PNPLA8: variants seen among roughly 807,000 people sequenced by gnomAD.
The protein encoded by PNPLA8 is patatin like domain 8, phospholipase A2.
Under a neutral mutation model 76.9 loss-of-function variants are expected in PNPLA8, and 39 were observed. The observed-to-expected ratio is 0.51, with a 90% CI of 0.39 to 0.66. PNPLA8 has a LOEUF of 0.66. PNPLA8 is among the 30% of genes least tolerant of loss of function. The pLI is 0.00. For missense variants in PNPLA8, 887 were observed against 918.0 expected, an observed-to-expected ratio of 0.97 and a Z score of 0.44; for synonymous variants, 301 against 307.9, an observed-to-expected ratio of 0.98 and a Z score of 0.24.
chr7:108,486,004 A>G (rs1024432749), intron 9 of PNPLA8, among the ~76,000 whole-genome samples: 1 of 152,102 alleles, frequency 6.6e-6, no homozygotes, highest in Admixed American at 6.5e-5. Flanking sequence ...GCTCAAAATA[A>G]GTTAAAGGAT....
chr7:108,504,031 G>A (rs1862151903), intron 4 of PNPLA8, among the ~76,000 whole-genome samples: 1 of 152,150 alleles, frequency 6.6e-6, no homozygotes, highest in East Asian at 1.9e-4. Context: ...CAATGAGATG[G>A]TGGTTAAGTG....
At chr7:108,526,207 G>T, upstream of PNPLA8, 2 of 554,960 alleles carry the variant, frequency 3.6e-6, no homozygotes, top group Non-Finnish European at 4.6e-6. Flanking sequence ...CGCGCTAGAA[G>T]TTTGGGTCTA....
chr7:108,522,436 G>A (rs967561389), intron 1 of PNPLA8, among the ~76,000 whole-genome samples: 1 of 151,970 alleles, frequency 6.6e-6, no homozygotes, highest in Non-Finnish European at 1.5e-5. Context: ...TCTACTGATA[G>A]TAACTCTTTC....
chr7:108,496,497 ATAATT>A (rs1598908928), intron 7 of PNPLA8, 82 bp downstream of exon 7: 11 of 750,542 alleles, frequency 1.5e-5, no homozygotes, highest in East Asian at 6.4e-5. Flanking sequence ...ATGCAAGAAT[ATAATT>A]TAATATTGAC....
At chr7:108,492,506 T>C (rs1563949698) in intron 7 of PNPLA8, among the ~76,000 whole-genome samples, 1 of 152,172 alleles carries the variant, frequency 6.6e-6, no homozygotes, top group Non-Finnish European at 1.5e-5. Flanking sequence ...TTTATATTTG[T>C]TTAAATCTTG....
Position 108,514,489 on chromosome 7 carries a change from T to C in PNPLA8, c.1003A>G (p.Ser335Gly). The C allele has an allele frequency of 6.2e-7, 1 of 1,613,762 alleles. No individual in the cohort carries two copies. Among genetic ancestry groups the C allele is most frequent in the Non-Finnish European group, 8.5e-7 (1 of 1,179,748 alleles). The change falls in exon 3 of 11, where the codon AGC becomes GGC. Residue 335 changes from serine (S) to glycine (G), a missense_variant. By Grantham distance (56) the Ser-to-Gly change is moderately conservative. Transcript: ENST00000257694. The part of the protein sequence containing the change: ...EEPAKTDQAV[S>G]KDRNAEEKKR... ...TTCTCCTCTGCATTTCTGTCTTTGC[T>C]GACAGCCTGATCAGTTTTAGCAGGC...
At chr7:108,513,923 T>C (rs961012184) in intron 4 of PNPLA8, among the ~76,000 whole-genome samples, 8 of 152,338 alleles carry the variant, frequency 5.3e-5, no homozygotes, top group African/African-American at 1.9e-4. Flanking sequence ...TTATAAATGT[T>C]TAATTTCAAA....
chr7:108,474,879 T>C (rs1330658656), intron 10 of PNPLA8, among the ~76,000 whole-genome samples: 2 of 152,260 alleles, frequency 1.3e-5, no homozygotes, highest in African/African-American at 4.8e-5. Flanking sequence ...AACTTTTTTT[T>C]CTTTTTCAAA....
At chr7:108,510,178 A>T (rs35880371) in intron 4 of PNPLA8, 154,934 of 416,198 alleles carry the variant, frequency 0.37, 7,799 homozygotes, top group Non-Finnish European at 0.41. Context: ...AAAGTATAAT[A>T]AAAAAAAAAA....
At chr7:108,528,175 A>C (rs1322679414), upstream of PNPLA8, 4 of 152,148 alleles carry the variant, frequency 2.6e-5, no homozygotes, top group African/African-American at 9.7e-5. Context: ...CTTCAGTTTC[A>C]TCTAAACTGG....
intron 4 of PNPLA8, among the ~76,000 whole-genome samples, chr7:108,507,438 G>C (rs1165296796): frequency 2.7e-5 from 4 of 149,900 alleles, no homozygotes; most frequent in African/African-American, 9.8e-5. Flanking sequence ...CAGATTGCTT[G>C]AGCCCAAGAA....
intron 4 of PNPLA8, chr7:108,510,214 T>C: frequency 3.6e-6 from 4 of 1,097,244 alleles, no homozygotes; most frequent in Non-Finnish European, 5.2e-6. Flanking sequence ...GGTAACTAGC[T>C]CTTTTTCCGG....
At chr7:108,505,177 A>G (rs1862251954) in intron 4 of PNPLA8, among the ~76,000 whole-genome samples, 1 of 150,112 alleles carries the variant, frequency 6.7e-6, no homozygotes, top group Non-Finnish European at 1.5e-5. Context: ...AGTCAACTGG[A>G]TAAGTGTATT....
intron 2 of PNPLA8, among the ~76,000 whole-genome samples, chr7:108,518,589 G>A (rs568550747): frequency 6.6e-6 from 1 of 151,874 alleles, no homozygotes; most frequent in African/African-American, 2.4e-5. Flanking sequence ...GTGGCTATGC[G>A]TGTGTCAGGG....
Position 108,514,189 on chromosome 7 carries a change from AG to A in PNPLA8, c.1160del (p.Thr387IlefsTer5). ...CTTCAGGAAATTCTAGAAGATGAAA[AG>A]TCAGTTCTTCAACCCTAGTAATGCA... ...KLCITRVEEL[T>X]FHLLEFPEGK... On this transcript the variant is annotated frameshift_variant, in exon 4 of 11. Transcript: ENST00000257694. LOFTEE classifies it high-confidence loss of function. The A allele has an allele frequency of 6.2e-7, 1 of 1,609,032 alleles. No homozygotes were observed. Among genetic ancestry groups the A allele is most frequent in the Non-Finnish European group, 8.5e-7 (1 of 1,176,126 alleles).
At chr7:108,525,979 G>T in intron 1 of PNPLA8, 50 bp downstream of exon 1, 1 of 859,528 alleles carries the variant, frequency 1.2e-6, no homozygotes, top group Non-Finnish European at 1.4e-6. Context: ...GGTCCAGAAC[G>T]ATCAACCAGC....
intron 8 of PNPLA8, among the ~76,000 whole-genome samples, chr7:108,490,054 G>A (rs1563946003): frequency 6.6e-6 from 1 of 152,120 alleles, no homozygotes; most frequent in African/African-American, 2.4e-5. Flanking sequence ...CTATAAACGG[G>A]CTTCTATGCT....
intron 2 of PNPLA8, 58 bp from the exon 3 acceptor site, chr7:108,515,632 A>G: frequency 1.0e-6 from 1 of 988,268 alleles, no homozygotes; most frequent in Non-Finnish European, 1.3e-6. Context: ...TGGGTATAAC[A>G]GAAAACACAA....
intron 10 of PNPLA8, among the ~76,000 whole-genome samples, chr7:108,472,936 T>C (rs1440543266): frequency 2.6e-5 from 4 of 152,340 alleles, no homozygotes; most frequent in Non-Finnish European, 5.9e-5. Flanking sequence ...GGTCATACTG[T>C]TCACCACTGC....
Sources: allele counts gnomAD v4.1 joint callset (sites outside exome capture counted in the v4.1 genomes callset), GRCh38; gene constraint gnomAD v4.1.1; transcripts MANE v1.5; gene names NCBI Gene and HGNC (gene_info 2026-07-23, HGNC 2026-07-21).